TMOD3: variants seen among roughly 807,000 people sequenced by gnomAD.
TMOD3 encodes tropomodulin 3, also known as tropomodulin-3.
TMOD3 carries 20 observed loss-of-function variants against 39.2 expected under a neutral mutation model. The ratio of observed to expected loss-of-function variants is 0.51; its 90% confidence interval spans 0.36 to 0.74. The LOEUF (loss-of-function observed/expected upper bound fraction) is 0.74. TMOD3 is among the 30% of genes least tolerant of loss of function. TMOD3 has a pLI of 0.00. For synonymous variants in TMOD3, 143 were observed against 145.8 expected, an observed-to-expected ratio of 0.98 and a Z score of 0.14; for missense variants, 381 against 412.8, an observed-to-expected ratio of 0.92 and a Z score of 0.67.
At chr15:51,845,459 T>C (rs1262794287) in intron 1 of TMOD3, among the ~76,000 whole-genome samples, 1 of 152,170 alleles carries the variant, frequency 6.6e-6, no homozygotes, top group East Asian at 1.9e-4. Context: ...CTTTTTCTCC[T>C]GAAGAATTTT....
At chr15:51,894,060 C>G in intron 6 of TMOD3, 115 bp downstream of exon 6, 3 of 924,752 alleles carry the variant, frequency 3.2e-6, no homozygotes, top group Non-Finnish European at 1.5e-6. Context: ...AAAGTTTTTG[C>G]TCTTACCAGT....
rs113708588 is a variant in TMOD3, at chr15:51,897,986, A to G, written c.735+1460A>G. The stretch of plus-strand genomic sequence containing the variant: ...CCTCCTAATTGGGTTACCTTCATCT[A>G]TTTTACCTACCCCAAAGTCAGTTCT... On this transcript the variant is annotated intron_variant, in intron 7 of 9. Coordinates refer to ENST00000308580, the MANE Select transcript of TMOD3 (RefSeq NM_014547.5). Among the ~76,000 whole-genome samples the G allele has an allele frequency of 2.7e-3, 408 of 152,008 alleles. 6 individuals carry two copies. Among genetic ancestry groups the G allele is most frequent in the African/African-American group, 9.4e-3 (388 of 41,442 alleles).
intron 1 of TMOD3, among the ~76,000 whole-genome samples, chr15:51,831,303 T>C (rs2056253699): frequency 6.6e-6 from 1 of 152,238 alleles, no homozygotes; most frequent in African/African-American, 2.4e-5. Context: ...TGAAATTAAA[T>C]AGGTACAGGT....
At chr15:51,840,413 C>T (rs1216443454) in intron 1 of TMOD3, among the ~76,000 whole-genome samples, 2 of 152,242 alleles carry the variant, frequency 1.3e-5, no homozygotes, top group East Asian at 3.9e-4. Context: ...TAACATTGAT[C>T]ACATGCTCTG....
At chr15:51,890,269 A>G (rs1224412965) in intron 5 of TMOD3, among the ~76,000 whole-genome samples, 52 of 151,378 alleles carry the variant, frequency 3.4e-4, no homozygotes, top group Admixed American at 3.2e-3. Context: ...CTCAGGTTCA[A>G]GCGCTTCTCT....
At chr15:51,884,504 G>C (rs1412203000) in intron 3 of TMOD3, 2 of 152,204 alleles carry the variant, frequency 1.3e-5, no homozygotes, top group African/African-American at 4.8e-5. Flanking sequence ...CTGGGCCATA[G>C]ACCAGAGGAA....
intron 1 of TMOD3, among the ~76,000 whole-genome samples, chr15:51,845,543 G>T (rs993358978): frequency 1.2e-4 from 19 of 152,150 alleles, no homozygotes; most frequent in African/African-American, 4.3e-4. Context: ...CATCGCTTGA[G>T]CTCAGGATTT....
chr15:51,863,895 A>G (rs910255485), intron 2 of TMOD3, among the ~76,000 whole-genome samples: 16 of 152,200 alleles, frequency 1.1e-4, no homozygotes, highest in Non-Finnish European at 2.2e-4. Context: ...ACTCAGGATA[A>G]TGATGCTGTT....
chr15:51,845,438 T>C (rs942418850), intron 1 of TMOD3, among the ~76,000 whole-genome samples: 15 of 152,196 alleles, frequency 9.9e-5, no homozygotes, highest in African/African-American at 3.6e-4. Flanking sequence ...GGGAGCTAAC[T>C]AAGTGCTAGA....
At chr15:51,845,887 A>G (rs1308315620) in intron 1 of TMOD3, among the ~76,000 whole-genome samples, 1 of 152,230 alleles carries the variant, frequency 6.6e-6, no homozygotes, top group Non-Finnish European at 1.5e-5. Flanking sequence ...GGAGTAATCA[A>G]TCAAGGAGTC....
intron 3 of TMOD3, among the ~76,000 whole-genome samples, chr15:51,881,541 T>C (rs2056533687): frequency 1.3e-5 from 2 of 149,046 alleles, no homozygotes; most frequent in South Asian, 2.1e-4. Context: ...ATACAATCTT[T>C]CTTTATTTCT....
intron 3 of TMOD3, among the ~76,000 whole-genome samples, chr15:51,881,273 C>G (rs2056532195): frequency 6.6e-6 from 1 of 151,860 alleles, no homozygotes; most frequent in Non-Finnish European, 1.5e-5. Flanking sequence ...CAAATCTTCG[C>G]TTACTTTTAA....
chr15:51,863,432 T>G (rs2056429282), intron 2 of TMOD3, among the ~76,000 whole-genome samples: 1 of 152,238 alleles, frequency 6.6e-6, no homozygotes. Flanking sequence ...GTTCCCTTTC[T>G]GAAAGAGGCT....
intron 1 of TMOD3, among the ~76,000 whole-genome samples, chr15:51,838,572 G>T (rs1440211659): frequency 6.6e-6 from 1 of 151,926 alleles, no homozygotes; most frequent in Non-Finnish European, 1.5e-5. Flanking sequence ...GGCTCTCTTT[G>T]GCTTCTTTCT....
rs574863693 is a variant in TMOD3 at position 51,896,304 on chromosome 15, G to A, written c.628-115G>A. The A allele has an allele frequency of 6.6e-5, 44 of 664,652 alleles. 1 individual carries two copies. The South Asian group carries it at 8.2e-4, about 12-fold the overall frequency. 41.2% of individuals were successfully genotyped at this position (664,652 alleles called of 1,614,324 possible). ...TTCATTTGTAGACTAATTCTTAGGT[G>A]TTTGTATAATTTCTGAATACATTTT... On this transcript the variant is annotated intron_variant, in intron 6 of 9. Coordinates refer to ENST00000308580, the MANE Select transcript of TMOD3 (RefSeq NM_014547.5).
chr15:51,891,431 G>T (rs1402119114), intron 5 of TMOD3, among the ~76,000 whole-genome samples: 1 of 151,998 alleles, frequency 6.6e-6, no homozygotes, highest in Non-Finnish European at 1.5e-5. Context: ...GTCCCTTTTG[G>T]CAAGAATGCT....
intron 1 of TMOD3, among the ~76,000 whole-genome samples, chr15:51,831,336 C>T (rs2056253950): frequency 6.6e-6 from 1 of 152,140 alleles, no homozygotes; most frequent in Non-Finnish European, 1.5e-5. Context: ...AAAGATTTTT[C>T]GTGTCTTAAT....
rs1328096595 is a variant in TMOD3 at position 51,902,056 on chromosome 15, A to T, written c.1024+20A>T. 6.2e-7 allele frequency: 1 copy of T among 1,610,868 alleles called. No homozygotes were observed. The highest frequency in any genetic ancestry group is 2.2e-5 in the East Asian group (1 of 44,858). On this transcript the variant is annotated intron_variant, in intron 9 of 9. Transcript: ENST00000308580. ...ACTTAGGTAAGACATAGTATCGATC[A>T]AGTTTCTGAGTTCTATCACAAGCTA... is the stretch of plus-strand genomic sequence containing the variant.
chr15:51,888,443 A>G (rs1044172537), intron 4 of TMOD3, among the ~76,000 whole-genome samples: 2 of 152,214 alleles, frequency 1.3e-5, no homozygotes, highest in African/African-American at 2.4e-5. Flanking sequence ...AGATCTGTAA[A>G]CAGTACATTC....
Sources: gnomAD v4.1 joint callset for allele counts (sites outside exome capture counted in the v4.1 genomes callset) on GRCh38, gnomAD v4.1.1 for gene constraint, MANE v1.5 for transcripts, NCBI Gene and HGNC (gene_info 2026-07-23, HGNC 2026-07-21) for gene names.